DNAH12: variants seen among roughly 807,000 people sequenced by gnomAD.
The protein encoded by DNAH12 is axonemal beta dynein heavy chain 12.
A neutral mutation model predicts 371.5 loss-of-function variants in DNAH12; 285 were observed. The ratio of observed to expected loss-of-function variants is 0.77; its 90% CI spans 0.70 to 0.85. The LOEUF (loss-of-function observed/expected upper bound fraction) is 0.85. DNAH12 is among the 40% of genes least tolerant of loss of function. The pLI is 0.00. For synonymous variants in DNAH12, 1,200 were observed against 1,213.0 expected, an observed-to-expected ratio of 0.99 and a Z score of 0.22; for missense variants, 3,611 against 3,689.4, an observed-to-expected ratio of 0.98 and a Z score of 0.55.
At chr3:57,509,444 C>T (rs2067898859) in intron 5 of DNAH12, among the ~76,000 whole-genome samples, 1 of 152,144 alleles carries the variant, frequency 6.6e-6, no homozygotes, top group Non-Finnish European at 1.5e-5. Flanking sequence ...ATTCCATCTA[C>T]TCAAAAGTCA....
Position 57,445,347 on chromosome 3 carries a change from C to T in DNAH12, c.4252G>A (p.Gly1418Arg), listed in dbSNP as rs761424391. 3.3e-5 allele frequency: 51 copies of T among 1,551,398 alleles called. No homozygotes were observed. Among genetic ancestry groups the T allele is most frequent in the African/African-American group, 1.4e-5 (1 of 72,994 alleles). The change falls in exon 28 of 74, where the codon GGA (glycine) becomes AGA (arginine). Residue 1418 changes from glycine (G) to arginine (R), a missense_variant. Around this residue, in one of 3 missense-constraint regions of DNAH12, gnomAD observed 2,266 missense variants for 2,236.9 expected, o/e 1.01. Coordinates refer to ENST00000495027, the MANE Select transcript of DNAH12 (RefSeq NM_001366028.2). ...LIAEISLYSY[G>R]FLNARPLSVK... ...GACAGAGGTCTTGCATTCAAAAATCCGTAAGAGTAGAGGGAGATTTCTGCT... is the reference window on the plus strand; with the variant it reads ...GACAGAGGTCTTGCATTCAAAAATCTGTAAGAGTAGAGGGAGATTTCTGCT...
At chr3:57,465,934 G>T (rs2066187768) in intron 17 of DNAH12, among the ~76,000 whole-genome samples, 1 of 152,076 alleles carries the variant, frequency 6.6e-6, no homozygotes, top group African/African-American at 2.4e-5. Flanking sequence ...AAAGTTTGAT[G>T]ATATTTTGTT....
intron 34 of DNAH12, chr3:57,428,429 T>C: frequency 6.6e-7 from 1 of 1,521,346 alleles, no homozygotes; most frequent in East Asian, 2.6e-5. Flanking sequence ...GACACTATGG[T>C]TGTATACAAA....
At chr3:57,424,966 T>C in intron 35 of DNAH12, 56 bp downstream of exon 35, 1 of 674,868 alleles carries the variant, frequency 1.5e-6, no homozygotes, top group Non-Finnish European at 2.7e-6. Context: ...ATAAACATCA[T>C]GTACCAGAAG....
chr3:57,520,099 C>T, intron 4 of DNAH12: 1 of 206,780 alleles, frequency 4.8e-6, no homozygotes, highest in Non-Finnish European at 9.3e-6. Flanking sequence ...CCTTATCTTT[C>T]TTCTACCTAT....
intron 11 of DNAH12, among the ~76,000 whole-genome samples, chr3:57,499,673 T>TATATATATATATATATATATACACAC (rs771112538): frequency 2.3e-4 from 10 of 44,442 alleles, no homozygotes; most frequent in African/African-American, 8.9e-4. Flanking sequence ...TATATATATA[T>TATATATATATATATATATATACACAC]ATACTTCTTA....
intron 45 of DNAH12, among the ~76,000 whole-genome samples, chr3:57,390,898 T>C (rs957605536): frequency 6.6e-6 from 1 of 152,146 alleles, no homozygotes; most frequent in Non-Finnish European, 1.5e-5. Flanking sequence ...ATCTCTGGTA[T>C]AAAACCAAAT....
intron 2 of DNAH12, among the ~76,000 whole-genome samples, chr3:57,537,780 G>A (rs2069111471): frequency 6.6e-6 from 1 of 151,760 alleles, no homozygotes; most frequent in South Asian, 2.1e-4. Flanking sequence ...CGCCTCCAGG[G>A]TTCAAGTGAT....
intron 62 of DNAH12, among the ~76,000 whole-genome samples, chr3:57,329,949 A>G (rs1187671143): frequency 2.0e-5 from 3 of 152,054 alleles, no homozygotes; most frequent in African/African-American, 4.8e-5. Flanking sequence ...GCAGCCAAAA[A>G]ACACATGAAA....
At chr3:57,426,987 T>C (rs778841461) in intron 34 of DNAH12, among the ~76,000 whole-genome samples, 1 of 152,154 alleles carries the variant, frequency 6.6e-6, no homozygotes, top group Admixed American at 6.6e-5. Context: ...ATTTTCTCTA[T>C]GAAGACACTA....
Position 57,306,010 on chromosome 3 carries a change from A to C in DNAH12, c.11189+3141T>G, listed in dbSNP as rs140574991. ...AAATGCCCGCAGCCCGGGATTCCTC[A>C]TAAGCCACGTCCCATCTGTGCGGGA... On this transcript the variant is annotated intron_variant, in intron 69 of 73. Transcript: ENST00000495027. 8.5e-4 allele frequency among the ~76,000 whole-genome samples: 129 copies of C among 152,278 alleles called. 1 individual carries two copies. In the East Asian group the frequency reaches 0.023, roughly 27 times the overall value.
At chr3:57,407,281 G>GAAAAAAAAA (rs35245549) in intron 40 of DNAH12, among the ~76,000 whole-genome samples, 1 of 133,598 alleles carries the variant, frequency 7.5e-6, no homozygotes. Flanking sequence ...TTCAAAGACA[G>GAAAAAAAAA]AAAAAAAAAA....
chr3:57,526,260 C>G (rs2068641985), intron 2 of DNAH12, among the ~76,000 whole-genome samples: 1 of 152,096 alleles, frequency 6.6e-6, no homozygotes, highest in Non-Finnish European at 1.5e-5. Flanking sequence ...CAATGTTTGT[C>G]TTTCTGTGCC....
chr3:57,335,025 A>T, intron 60 of DNAH12, 85 bp from the exon 61 acceptor site: 1 of 1,399,268 alleles, frequency 7.1e-7, no homozygotes, highest in Non-Finnish European at 9.6e-7. Context: ...ACCTGGATAG[A>T]ACAACTTAGA....
rs367673657 is a variant in DNAH12, at chr3:57,415,506, G to A, written c.5773C>T (p.Leu1925=). The A allele has an allele frequency of 3.2e-6, 5 of 1,551,078 alleles. No individual in the cohort carries two copies. The highest frequency in any genetic ancestry group is 4.4e-6 in the Non-Finnish European group (5 of 1,146,886). The change falls in exon 38 of 74, where the codon CTA becomes TTA. Residue 1925 remains leucine (L), a synonymous_variant. Transcript: ENST00000495027. ...TGKSVYVKDK[L]MNHLEKDQYF... ...TGGTCCTTTTCCAAGTGATTCATTA[G>A]CTTATCCTTCACATACACAGATTTT...
chr3:57,470,296 G>A, intron 16 of DNAH12, 147 bp downstream of exon 16: 1 of 747,648 alleles, frequency 1.3e-6, no homozygotes, highest in Non-Finnish European at 2.1e-6. Flanking sequence ...AGCAGCACTG[G>A]ATGTTTCTCC....
rs377699028 is a variant in DNAH12, at chr3:57,408,377, C to T, written c.6179G>A (p.Arg2060Gln). 22 of 1,551,404 alleles carry T rather than the reference C, an allele frequency of 1.4e-5. No homozygotes were observed. Among genetic ancestry groups the T allele is most frequent in the Admixed American group, 2.0e-5 (1 of 50,970 alleles). Residue 2060 changes from arginine (R) to glutamine (Q), a missense_variant, in exon 40 of 74, where the codon CGA becomes CAA. Coordinates refer to ENST00000495027, the MANE Select transcript of DNAH12 (RefSeq NM_001366028.2). Reference protein sequence around the residue: ...INSFSDETMVRIFSSIVAFYL... With the variant: ...INSFSDETMVQIFSSIVAFYL... Reference sequence around the variant, plus strand: ...GAATGCTACAATAGATGAGAAGATTCGGACCATAGTTTCATCACTAAAAGA... The same window carrying T: ...GAATGCTACAATAGATGAGAAGATTTGGACCATAGTTTCATCACTAAAAGA...
In DNAH12 at chr3:57,389,475, T is replaced by C. The variant is rs930059088; in HGVS notation, c.7306-2256A>G. On this transcript the variant is annotated intron_variant, in intron 45 of 73. Transcript: ENST00000495027. ...TTAGAAGCTCAACTATATTATCAAG[T>C]ATTCACGTTCTTTCCGTCTTGTTGT... Among the ~76,000 whole-genome samples the C allele has an allele frequency of 9.6e-3, 1,467 of 152,184 alleles. 22 individuals are homozygous for C. Among genetic ancestry groups the C allele is most frequent in the African/African-American group, 0.034 (1,391 of 41,504 alleles).
intron 29 of DNAH12, among the ~76,000 whole-genome samples, chr3:57,442,571 A>G (rs558228698): frequency 2.4e-4 from 36 of 152,338 alleles, no homozygotes; most frequent in Admixed American, 9.1e-4. Flanking sequence ...ATTTTTTGAA[A>G]TCCAAAAGAA....
Sources: allele counts gnomAD v4.1 joint callset (sites outside exome capture counted in the v4.1 genomes callset), GRCh38; gene constraint gnomAD v4.1.1; regional missense constraint gnomAD v4.1.1; transcripts MANE v1.5; gene names NCBI Gene and HGNC (gene_info 2026-07-23, HGNC 2026-07-21).